SHANK2: variants seen among roughly 807,000 people sequenced by gnomAD.
SHANK2 encodes SH3 and multiple ankyrin repeat domains 2.
In SHANK2, 43 loss-of-function variants were observed where a neutral mutation model predicts 133.7. That is an observed-to-expected ratio of 0.32 (90% CI 0.25 to 0.41). The LOEUF is 0.41. Ranked by LOEUF, SHANK2 falls within the 10% of genes least tolerant of loss-of-function variation. The pLI is 1.00. For missense variants in SHANK2, 1,994 were observed against 2,235.8 expected (o/e 0.89, Z 2.18); for synonymous variants, 1,017 against 952.8 (o/e 1.07, Z -1.24).
At chr11:70,813,188 G>A (rs1307411291) in intron 12 of SHANK2, among the ~76,000 whole-genome samples, 1 of 152,128 alleles carries the variant, frequency 6.6e-6, no homozygotes, top group African/African-American at 2.4e-5. Context: ...GCCCATCTGA[G>A]GGGTCAGCAC....
intron 8 of SHANK2, among the ~76,000 whole-genome samples, chr11:71,089,241 C>T (rs1032528937): frequency 3.9e-5 from 6 of 152,082 alleles, no homozygotes; most frequent in Non-Finnish European, 8.8e-5. Context: ...TGCAGACGGG[C>T]TTGGCCTCAA....
intron 10 of SHANK2, among the ~76,000 whole-genome samples, chr11:70,950,422 C>T (rs1950816167): frequency 6.6e-6 from 1 of 152,098 alleles, no homozygotes; most frequent in Non-Finnish European, 1.5e-5. Flanking sequence ...AACTCCTGAC[C>T]TCAGGTGATC....
chr11:70,900,852 A>G (rs1950012837), intron 10 of SHANK2, among the ~76,000 whole-genome samples: 1 of 152,054 alleles, frequency 6.6e-6, no homozygotes, highest in South Asian at 2.1e-4. Context: ...GTCTTATGTG[A>G]CATCTCAGCA....
At chr11:70,790,378 C>G (rs1459411904) in intron 14 of SHANK2, among the ~76,000 whole-genome samples, 1 of 152,148 alleles carries the variant, frequency 6.6e-6, no homozygotes, top group African/African-American at 2.4e-5. Flanking sequence ...GGCTATAGCA[C>G]CCAGTTATGC....
rs192327670 is a variant in SHANK2, at chr11:71,233,789, T to C, written c.-112-8993A>G. ...CAGGCCAGACACAGTGGGTCATGCC[T>C]GTAATCCCAGCACTTTGGGAGGCTG... On this transcript the variant is annotated intron_variant, in intron 1 of 25. Coordinates refer to ENST00000601538, the MANE Select transcript of SHANK2 (RefSeq NM_012309.5). 2.6e-4 allele frequency among the ~76,000 whole-genome samples: 40 copies of C among 152,346 alleles called. No individual in the cohort carries two copies. In the East Asian group the frequency reaches 7.5e-3, roughly 29 times the overall value.
chr11:70,792,846 G>T (rs1947823665), intron 14 of SHANK2, among the ~76,000 whole-genome samples: 2 of 152,170 alleles, frequency 1.3e-5, no homozygotes, highest in Non-Finnish European at 2.9e-5. Context: ...AGTATTTTGG[G>T]AGACCGAGGC....
At chr11:71,099,420 G>A (rs1474116085) in intron 6 of SHANK2, among the ~76,000 whole-genome samples, 1 of 152,186 alleles carries the variant, frequency 6.6e-6, no homozygotes, top group African/African-American at 2.4e-5. Flanking sequence ...AGGATATATG[G>A]TAACTCTGTG....
intron 15 of SHANK2, among the ~76,000 whole-genome samples, chr11:70,681,878 G>A (rs1359344324): frequency 6.6e-6 from 1 of 152,082 alleles, no homozygotes; most frequent in Non-Finnish European, 1.5e-5. Flanking sequence ...GTTCTGCACG[G>A]GCTTCAGGTC....
intron 11 of SHANK2, among the ~76,000 whole-genome samples, chr11:70,832,432 G>A (rs781974680): frequency 6.6e-5 from 10 of 152,172 alleles, no homozygotes; most frequent in Non-Finnish European, 1.2e-4. Flanking sequence ...AAGGGCTCCC[G>A]TGGCAGCAGT....
At chr11:70,657,065 C>T (rs2061413922) in intron 17 of SHANK2, among the ~76,000 whole-genome samples, 1 of 152,170 alleles carries the variant, frequency 6.6e-6, no homozygotes, top group African/African-American at 2.4e-5. Flanking sequence ...AAAGGGTGCC[C>T]ATTGGTCCAA....
In SHANK2 at chr11:70,792,942, A is replaced by G. The variant is rs539934376; in HGVS notation, c.1777+5501T>C. Among the ~76,000 whole-genome samples the G allele has an allele frequency of 3.6e-4, 55 of 152,260 alleles. 1 individual carries two copies. Among genetic ancestry groups the G allele is most frequent in the South Asian group, 3.1e-3 (15 of 4,812 alleles). On this transcript the variant is annotated intron_variant, in intron 14 of 25. Coordinates refer to ENST00000601538, the MANE Select transcript of SHANK2 (RefSeq NM_012309.5). ...CTCTACAAAAAAATACACTAATAAA[A>G]TAAATTTTAAAATAAGGCAGGAGAA...
At chr11:70,944,048 A>G in intron 10 of SHANK2, 1 of 442,886 alleles carries the variant, frequency 2.3e-6, no homozygotes, top group South Asian at 1.6e-5. Context: ...TTATGCTATT[A>G]TGGCTAGCTA....
intron 1 of SHANK2, among the ~76,000 whole-genome samples, chr11:71,245,440 A>G (rs950948074): frequency 1.3e-5 from 2 of 152,260 alleles, no homozygotes; most frequent in African/African-American, 4.8e-5. Flanking sequence ...CTCATACATA[A>G]AAAGCTTCTG....
chr11:70,488,124 C>T (rs1325454110), intron 24 of SHANK2, among the ~76,000 whole-genome samples: 1 of 152,158 alleles, frequency 6.6e-6, no homozygotes, highest in Non-Finnish European at 1.5e-5. Flanking sequence ...GGCATTGTGG[C>T]ATTGTGCTTG....
chr11:70,800,268 A>G (rs76311399), intron 13 of SHANK2, among the ~76,000 whole-genome samples: 143 of 152,236 alleles, frequency 9.4e-4, no homozygotes, highest in African/African-American at 3.4e-3. Context: ...TCAAGCAATC[A>G]CCTGCCTCCA....
At chr11:70,546,888 C>T (rs1474973022) in intron 17 of SHANK2, among the ~76,000 whole-genome samples, 1 of 152,200 alleles carries the variant, frequency 6.6e-6, no homozygotes, top group East Asian at 1.9e-4. Flanking sequence ...GATTAAGATT[C>T]TTTGCTTCAC....
intron 17 of SHANK2, among the ~76,000 whole-genome samples, chr11:70,546,518 A>T (rs2059698836): frequency 6.6e-6 from 1 of 152,132 alleles, no homozygotes; most frequent in East Asian, 1.9e-4. Context: ...TTATTATTCC[A>T]AGTTGTCAAG....
At chr11:71,177,356 G>A (rs1188092231) in intron 2 of SHANK2, among the ~76,000 whole-genome samples, 2 of 152,098 alleles carry the variant, frequency 1.3e-5, no homozygotes, top group Non-Finnish European at 2.9e-5. Context: ...AAGACATATA[G>A]AAGAAAAATA....
At chr11:71,240,454 A>C (rs1448165785) in intron 1 of SHANK2, among the ~76,000 whole-genome samples, 1 of 152,158 alleles carries the variant, frequency 6.6e-6, no homozygotes, top group East Asian at 1.9e-4. Context: ...ATCAGCAGGA[A>C]GGGGGCTCCC....
Sources: gnomAD v4.1 joint callset for allele counts (sites outside exome capture counted in the v4.1 genomes callset) on GRCh38, gnomAD v4.1.1 for gene constraint, MANE v1.5 for transcripts, NCBI Gene and HGNC (gene_info 2026-07-23, HGNC 2026-07-21) for gene names.